The following SLC6A20 variants were observed in gnomAD, a reference collection of about 807,000 sequenced individuals.
SLC6A20 encodes the protein sodium- and chloride-dependent transporter XTRP3.
In SLC6A20, 73 loss-of-function variants were observed where a neutral mutation model predicts 64.3. The observed-to-expected ratio is 1.14, with a 90% CI of 0.94 to 1.38. The LOEUF (loss-of-function observed/expected upper bound fraction) is 1.38. Among genes scored for constraint, SLC6A20 ranks in the 40% most tolerant of loss-of-function variants. The pLI, the probability that SLC6A20 is intolerant of heterozygous loss-of-function variation, is 0.00. For synonymous variants in SLC6A20, 347 were observed against 329.6 expected (o/e 1.05, Z -0.57); for missense variants, 725 against 772.8 (o/e 0.94, Z 0.73).
chr3:45,790,747 G>C (rs930929207), intron 1 of SLC6A20, among the ~76,000 whole-genome samples: 1 of 152,094 alleles, frequency 6.6e-6, no homozygotes, highest in African/African-American at 2.4e-5. Context: ...CCACTTCCCT[G>C]CTTAAAATCT....
At chr3:45,761,114 T>C (rs561299772) in intron 9 of SLC6A20, among the ~76,000 whole-genome samples, 13 of 152,342 alleles carry the variant, frequency 8.5e-5, no homozygotes, top group Admixed American at 5.2e-4. Context: ...AGTTGGACTC[T>C]AGGCTGCAGG....
intron 10 of SLC6A20, 44 bp downstream of exon 10, chr3:45,759,813 T>C: frequency 1.3e-6 from 2 of 1,564,446 alleles, no homozygotes; most frequent in East Asian, 2.2e-5. Flanking sequence ...TGCTTTTCAG[T>C]GGCCATGGGG....
chr3:45,779,527 G>C (rs931748112), intron 3 of SLC6A20, among the ~76,000 whole-genome samples: 1 of 152,208 alleles, frequency 6.6e-6, no homozygotes, highest in Non-Finnish European at 1.5e-5. Flanking sequence ...GCAGGGAAAA[G>C]AAGAGGCTCA....
intron 1 of SLC6A20, among the ~76,000 whole-genome samples, chr3:45,789,358 C>T (rs139013028): frequency 2.2e-4 from 33 of 152,120 alleles, no homozygotes; most frequent in African/African-American, 6.0e-4. Flanking sequence ...TAAGGCAGTA[C>T]GAAATGTGAT....
At position 45,775,910 on chromosome 3, in the gene SLC6A20, T is replaced by A. The variant is rs1410179960; in HGVS notation, c.433A>T (p.Thr145Ser). The A allele has an allele frequency of 6.2e-7, 1 of 1,614,198 alleles. No individual in the cohort carries two copies. The highest frequency in any genetic ancestry group is 2.2e-5 in the East Asian group (1 of 44,878). ...GTTTTCCTGTACCAGAAGTACTGTG[T>A]GGAGGACGCCTTCTCACACTCCTCA... The part of the protein sequence containing the change: ...YDEECEKASS[T>S]QYFWYRKTLN... The change falls in exon 4 of 11, where the codon ACA becomes TCA. Residue 145 changes from threonine (T) to serine (S), a missense_variant. Thr to Ser is a moderately conservative substitution (Grantham distance 58). Coordinates refer to ENST00000358525, the MANE Select transcript of SLC6A20 (RefSeq NM_020208.4).
At position 45,765,357 on chromosome 3, in the gene SLC6A20, G is replaced by A. The variant is rs1450001560; in HGVS notation, c.1303+180C>T. On this transcript the variant is annotated intron_variant, in intron 8 of 10. Coordinates refer to ENST00000358525, the MANE Select transcript of SLC6A20 (RefSeq NM_020208.4). This position sits in a 1 kb window ranked among gnomAD's most constrained non-coding sequence, Gnocchi z 4.2. Reference sequence around the variant, plus strand: ...GTGATGTGGAGAATGGAACGCACAGGGTGAATCACATGGCCCAGGTCCCAG... The same window carrying A: ...GTGATGTGGAGAATGGAACGCACAGAGTGAATCACATGGCCCAGGTCCCAG... Among the ~76,000 whole-genome samples the A allele has an allele frequency of 6.6e-6, 1 of 152,136 alleles. No individual in the cohort carries two copies. The highest frequency in any genetic ancestry group is 1.5e-5 in the Non-Finnish European group (1 of 68,010).
At chr3:45,781,741 T>C (rs569800630) in intron 2 of SLC6A20, among the ~76,000 whole-genome samples, 1 of 152,272 alleles carries the variant, frequency 6.6e-6, no homozygotes, top group South Asian at 2.1e-4. Context: ...CAGGGAGAAG[T>C]TGGTGAGTTT....
intron 1 of SLC6A20, among the ~76,000 whole-genome samples, chr3:45,793,584 G>A (rs9852457): frequency 0.07 from 10,620 of 152,130 alleles, 377 homozygotes; most frequent in African/African-American, 0.083. Context: ...ATGCCGGGCC[G>A]GGCCTGGCCT....
Position 45,758,063 on chromosome 3 carries a change from A to G in SLC6A20, c.*915T>C, listed in dbSNP as rs1699580481. On this transcript the variant is annotated 3_prime_UTR_variant, in exon 11 of 11. Transcript: ENST00000358525. ...CCAGAGTAGCTGGAATTACAGGCCTATGCCACCACTCCCAGCTAATTTTTT... is the reference window on the plus strand; with the variant it reads ...CCAGAGTAGCTGGAATTACAGGCCTGTGCCACCACTCCCAGCTAATTTTTT... 6.2e-6 allele frequency: 1 copy of G among 161,294 alleles called. No homozygotes were observed. The highest frequency in any genetic ancestry group is 1.4e-5 in the Non-Finnish European group (1 of 73,640). The allele number at this position is 161,294 out of a possible 1,614,324, so 10.0% of individuals were successfully genotyped here. A position where few individuals can be genotyped will look rare whatever the true frequency, so the allele number is the denominator to read the frequency against.
In SLC6A20 at chr3:45,763,019, C is replaced by G; in HGVS notation, c.1357G>C (p.Gly453Arg). ...TTGAATATGTCAAACCAGTAGTTCCCAGCCTCCATCGTGAACACCATGCCA... is the reference window on the plus strand; with the variant it reads ...TTGAATATGTCAAACCAGTAGTTCCGAGCCTCCATCGTGAACACCATGCCA... Reference protein sequence around the residue: ...AIGMVFTMEAGNYWFDIFNDY... With the variant: ...AIGMVFTMEARNYWFDIFNDY... The change falls in exon 9 of 11, where the codon GGG becomes CGG. Residue 453 changes from glycine to arginine, a missense_variant. Gly to Arg is a moderately radical substitution (Grantham distance 125, BLOSUM62 -2). Coordinates refer to ENST00000358525, the MANE Select transcript of SLC6A20 (RefSeq NM_020208.4). 1 of 1,614,118 alleles carries G rather than the reference C, an allele frequency of 6.2e-7. No individual in the cohort carries two copies. The highest frequency in any genetic ancestry group is 8.5e-7 in the Non-Finnish European group (1 of 1,180,018).
rs1575433481 is a variant in SLC6A20 at position 45,780,017 on chromosome 3, A to C, written c.346T>G (p.Ser116Ala). 1 of 1,601,598 alleles carries C rather than the reference A, an allele frequency of 6.2e-7. No homozygotes were observed. The highest frequency in any genetic ancestry group is 1.7e-5 in the Admixed American group (1 of 58,584). Residue 116 changes from serine (S) to alanine (A), a missense_variant, in exon 3 of 11, where the codon TCC (serine) becomes GCC (alanine). Physicochemically the swap from Ser to Ala is moderately conservative, Grantham distance 99. Transcript: ENST00000358525. The stretch of plus-strand genomic sequence containing the variant: ...CGGGCCCCCCGGCTCACCTGGAAGG[A>C]GTGGAAGAGGTACCAGAAGGCCCAG... ...NAWAFWYLFH[S>A]FQDPLPWSVC...
Position 45,762,939 on chromosome 3 carries a change from G to A in SLC6A20, c.1437C>T (p.Ala479=), listed in dbSNP as rs111981498. 106 of 1,614,108 alleles carry A rather than the reference G, an allele frequency of 6.6e-5. 1 individual carries two copies. In the African/African-American group the frequency reaches 8.7e-4, roughly 13 times the overall value. The change falls in exon 9 of 11, where the codon GCC becomes GCT. Residue 479 remains alanine, a synonymous_variant. Coordinates refer to ENST00000358525, the MANE Select transcript of SLC6A20 (RefSeq NM_020208.4). ...LLLIVLVETI[A]VCYVYGLRRF... is the part of the protein sequence containing the mutation. The stretch of plus-strand genomic sequence containing the variant: ...TCCTCAGCCCGTACACGTAGCACAC[G>A]GCAATCGTCTCCACCAGCACGATGA...
At chr3:45,779,725 C>T (rs1014416591) in intron 3 of SLC6A20, among the ~76,000 whole-genome samples, 1 of 152,228 alleles carries the variant, frequency 6.6e-6, no homozygotes, top group Admixed American at 6.5e-5. Context: ...GGGGTCACAT[C>T]CATCAGAGAG....
intron 3 of SLC6A20, among the ~76,000 whole-genome samples, chr3:45,776,908 G>A (rs1055412430): frequency 6.6e-6 from 1 of 152,198 alleles, no homozygotes. Flanking sequence ...GGAGGCTGCT[G>A]GCGTGTCACT....
At chr3:45,786,598 C>T (rs542945496) in intron 1 of SLC6A20, among the ~76,000 whole-genome samples, 2 of 152,350 alleles carry the variant, frequency 1.3e-5, no homozygotes, top group East Asian at 3.9e-4. Context: ...GATTTCTCTG[C>T]TGAGAGTTAC....
Position 45,782,064 on chromosome 3 carries a change from C to T in SLC6A20, c.262+19G>A. The T allele has an allele frequency of 2.5e-6, 4 of 1,587,910 alleles. No individual in the cohort carries two copies. The highest frequency in any genetic ancestry group is 3.4e-6 in the Non-Finnish European group (4 of 1,166,448). ...GCCCGGGTCTCTGGGTGGGAGAGGA[C>T]TGGAGGGGCCCCACGTACCGACACC... On this transcript the variant is annotated intron_variant, in intron 2 of 10. Transcript: ENST00000358525.
chr3:45,772,429 C>T (rs1699888596), intron 5 of SLC6A20, 76 bp downstream of exon 5: 2 of 1,369,100 alleles, frequency 1.5e-6, no homozygotes, highest in East Asian at 2.4e-5. Context: ...CTCCACCTTT[C>T]CCTCTTCCCA....
At position 45,756,593 on chromosome 3, in the gene SLC6A20, A is replaced by G. The variant is rs1699547183; in HGVS notation, c.*2385T>C. 1 of 152,178 alleles carries G rather than the reference A, an allele frequency of 6.6e-6. No individual in the cohort carries two copies. 9.4% of individuals were successfully genotyped at this position (152,178 alleles called of 1,614,324 possible). On this transcript the variant is annotated 3_prime_UTR_variant, in exon 11 of 11. Transcript: ENST00000358525. ...TTTTGCTGTAAGAGAATTTTACAGC[A>G]CAAAAATAAAAAGACATCTCCGGCC... is the stretch of plus-strand genomic sequence containing the variant.
At position 45,765,891 on chromosome 3, in the gene SLC6A20, A is replaced by C. The variant is rs771221004; in HGVS notation, c.1099-150T>G. 7 of 784,362 alleles carry C rather than the reference A, an allele frequency of 8.9e-6. No homozygotes were observed. Among genetic ancestry groups the C allele is most frequent in the Non-Finnish European group, 1.2e-5 (6 of 494,352 alleles). The allele number at this position is 784,362 out of a possible 1,614,324, so 48.6% of individuals were successfully genotyped here. ...GCTTCCATCTGCAGATCAACCCCTT[A>C]CACTCAGCTGGGCTGAAACGAAATG... On this transcript the variant is annotated intron_variant, in intron 7 of 10. Coordinates refer to ENST00000358525, the MANE Select transcript of SLC6A20 (RefSeq NM_020208.4). This position sits in a 1 kb window ranked among gnomAD's most constrained non-coding sequence, Gnocchi z 4.2.
Sources: allele counts gnomAD v4.1 joint callset (sites outside exome capture counted in the v4.1 genomes callset), GRCh38; gene constraint gnomAD v4.1.1; non-coding constraint Gnocchi (gnomAD v3.1); transcripts MANE v1.5; gene names NCBI Gene and HGNC (gene_info 2026-07-23, HGNC 2026-07-21).